Variants in CSMD2 observed in about 807,000 individuals in gnomAD.
CSMD2 encodes CUB and sushi domain-containing protein 2.
CSMD2 carries 130 observed loss-of-function variants against 398.5 expected under a neutral mutation model. The ratio of observed to expected loss-of-function variants is 0.33; its 90% confidence interval spans 0.28 to 0.38. CSMD2 has a LOEUF of 0.38. Ranked by LOEUF, CSMD2 falls within the 10% of genes least tolerant of loss-of-function variation. The probability of loss-of-function intolerance (pLI) is 1.00; values close to 1 mark genes in which losing one functional copy is unlikely to be tolerated. For synonymous variants in CSMD2, 1,828 were observed against 1,908.5 expected (o/e 0.96, Z 1.10); for missense variants, 3,829 against 4,764.9 (o/e 0.80, Z 5.78).
At chr1:33,808,263 A>G (rs1656453358) in intron 10 of CSMD2, among the ~76,000 whole-genome samples, 1 of 152,092 alleles carries the variant, frequency 6.6e-6, no homozygotes, top group Admixed American at 6.5e-5. Flanking sequence ...GACAAACACA[A>G]TTAACAAGCT....
At chr1:34,156,526 G>A (rs1251961099) in intron 1 of CSMD2, among the ~76,000 whole-genome samples, 2 of 152,102 alleles carry the variant, frequency 1.3e-5, no homozygotes, top group Non-Finnish European at 1.5e-5. Flanking sequence ...TCAATAAATA[G>A]ATGTACCTAC....
chr1:33,655,488 A>G (rs561690987), intron 27 of CSMD2, among the ~76,000 whole-genome samples: 8 of 152,380 alleles, frequency 5.3e-5, no homozygotes, highest in Non-Finnish European at 1.0e-4. Flanking sequence ...ATTAAGGCAC[A>G]GGGAAGTTGG....
In CSMD2 at chr1:33,559,439, G is replaced by A. The variant is rs990086805; in HGVS notation, c.8415C>T (p.Asn2805=). Residue 2805 remains asparagine, a synonymous_variant, in exon 54 of 71, where the codon AAC becomes AAT. Transcript: ENST00000373381. This position sits in a 1 kb window ranked among gnomAD's most constrained non-coding sequence, Gnocchi z 4.0. Reference sequence around the variant, plus strand: ...TAAACTGGTTACCCTGAGTGAGGCCGTTGACAGGGTTGCCTGGGTGTCCAC... The same window carrying A: ...TAAACTGGTTACCCTGAGTGAGGCCATTGACAGGGTTGCCTGGGTGTCCAC... ...ITCGHPGNPV[N]GLTQGNQFNL... The A allele has an allele frequency of 1.5e-5, 23 of 1,536,038 alleles. No homozygotes were observed. Among genetic ancestry groups the A allele is most frequent in the Middle Eastern group, 1.7e-4 (1 of 6,008 alleles).
chr1:33,697,708 C>T (rs963385648), intron 24 of CSMD2, among the ~76,000 whole-genome samples: 3 of 152,262 alleles, frequency 2.0e-5, no homozygotes, highest in Non-Finnish European at 4.4e-5. Context: ...CTCATATCCT[C>T]CCAACATTTT....
rs140959425 is a variant in CSMD2, at chr1:33,567,732, G to A, written c.8241C>T (p.Asn2747=). 76 of 1,614,074 alleles carry A rather than the reference G, an allele frequency of 4.7e-5. No homozygotes were observed. The highest frequency in any genetic ancestry group is 2.3e-4 in the South Asian group (21 of 91,070). ...TGTAGTTCTCCCCATTGATGTGTCC[G>A]TTGACAATGGGCTCAGGAGTCCCAC... ...GHCGTPEPIV[N]GHINGENYSY... is the part of the protein sequence containing the mutation. The change falls in exon 53 of 71, where the codon AAC becomes AAT. Residue 2747 remains asparagine, a synonymous_variant. Transcript: ENST00000373381.
At position 33,828,343 on chromosome 1, in the gene CSMD2, CACA is replaced by C. The variant is rs564064576; in HGVS notation, c.1034-2572_1034-2570del. On this transcript the variant is annotated intron_variant, in intron 6 of 70. Coordinates refer to ENST00000373381, the MANE Select transcript of CSMD2 (RefSeq NM_001281956.2). ...GGGAGAACAGGAGCAGTTCCAGCAC[CACA>C]ACAACAATTTGAGCCTGATAGCCCT... Among the ~76,000 whole-genome samples the C allele has an allele frequency of 7.3e-3, 1,105 of 152,268 alleles. 7 individuals are homozygous for C. The highest frequency in any genetic ancestry group is 0.02 in the Middle Eastern group (6 of 294).
chr1:34,138,034 C>G (rs897031869), intron 1 of CSMD2, among the ~76,000 whole-genome samples: 4 of 152,174 alleles, frequency 2.6e-5, no homozygotes, highest in Admixed American at 2.0e-4. Flanking sequence ...AAGAAAACAT[C>G]CCATTTTCTG....
At chr1:33,735,289 C>A (rs184137775) in intron 15 of CSMD2, among the ~76,000 whole-genome samples, 1 of 152,314 alleles carries the variant, frequency 6.6e-6, no homozygotes, top group Non-Finnish European at 1.5e-5. Flanking sequence ...ATAACGACAT[C>A]TATTTCCTAG....
intron 36 of CSMD2, 47 bp downstream of exon 36, chr1:33,623,323 G>A: frequency 5.1e-6 from 6 of 1,181,476 alleles, no homozygotes; most frequent in Non-Finnish European, 7.6e-6. Context: ...ATGATGATGA[G>A]CTCTAGTACT....
intron 1 of CSMD2, among the ~76,000 whole-genome samples, chr1:34,092,554 C>T (rs913589463): frequency 4.6e-5 from 7 of 152,010 alleles, no homozygotes; most frequent in Non-Finnish European, 1.0e-4. Flanking sequence ...GGTGCGCGCA[C>T]CGTGCACGAG....
At chr1:33,848,855 G>GTT (rs927916675) in intron 5 of CSMD2, among the ~76,000 whole-genome samples, 1 of 139,940 alleles carries the variant, frequency 7.1e-6, no homozygotes, top group African/African-American at 2.6e-5. Flanking sequence ...CTATCTCAAT[G>GTT]ACAAAGCTTG....
In CSMD2 at chr1:33,514,399, G is replaced by A. The variant is rs1653585031; in HGVS notation, c.*2225C>T. On this transcript the variant is annotated 3_prime_UTR_variant, in exon 71 of 71. Coordinates refer to ENST00000373381, the MANE Select transcript of CSMD2 (RefSeq NM_001281956.2). The stretch of plus-strand genomic sequence containing the variant: ...TTTTTTCCTCATGGGATGGTGATGG[G>A]TATATGGCGTAGATGGTGGGTGAAG... 1 of 151,082 alleles carries A rather than the reference G, an allele frequency of 6.6e-6. No homozygotes were observed. The highest frequency in any genetic ancestry group is 2.4e-5 in the African/African-American group (1 of 40,914). The allele number at this position is 151,082 out of a possible 1,614,324, so 9.4% of individuals were successfully genotyped here.
At chr1:33,788,071 T>G (rs1486543907) in intron 12 of CSMD2, among the ~76,000 whole-genome samples, 5 of 152,210 alleles carry the variant, frequency 3.3e-5, no homozygotes, top group Middle Eastern at 3.2e-3. Flanking sequence ...GGTGTGCATC[T>G]GATGCTGGGT....
At chr1:33,649,173 T>C (rs1201900920) in intron 28 of CSMD2, among the ~76,000 whole-genome samples, 1 of 152,156 alleles carries the variant, frequency 6.6e-6, no homozygotes, top group Non-Finnish European at 1.5e-5. Flanking sequence ...TGTGCAAAGA[T>C]GAAAACAATA....
chr1:33,802,635 A>G (rs898430527), intron 10 of CSMD2, among the ~76,000 whole-genome samples: 7 of 152,122 alleles, frequency 4.6e-5, no homozygotes, highest in African/African-American at 1.4e-4. Context: ...TAATCATTCC[A>G]TGACTATGAG....
chr1:33,856,449 A>G (rs934846543), intron 5 of CSMD2, among the ~76,000 whole-genome samples: 1 of 152,170 alleles, frequency 6.6e-6, no homozygotes, highest in South Asian at 2.1e-4. Flanking sequence ...TCACTGGCAG[A>G]CATGACTTGG....
At chr1:33,847,479 C>A (rs963102558) in intron 5 of CSMD2, among the ~76,000 whole-genome samples, 6 of 151,912 alleles carry the variant, frequency 3.9e-5, no homozygotes, top group African/African-American at 1.5e-4. Flanking sequence ...ACCAGTGTGA[C>A]CTTGGACCTG....
chr1:33,930,996 C>T (rs1644295228), intron 4 of CSMD2, among the ~76,000 whole-genome samples: 1 of 152,248 alleles, frequency 6.6e-6, no homozygotes. Context: ...AACAGACACA[C>T]ACGGCTTTCC....
chr1:33,822,071 G>A (rs745646817), intron 7 of CSMD2, among the ~76,000 whole-genome samples: 9 of 152,156 alleles, frequency 5.9e-5, no homozygotes, highest in Admixed American at 2.0e-4. Flanking sequence ...GGGAGCCGCT[G>A]GAGAGTTCTG....
Sources: allele counts gnomAD v4.1 joint callset (sites outside exome capture counted in the v4.1 genomes callset), GRCh38; gene constraint gnomAD v4.1.1; non-coding constraint Gnocchi (gnomAD v3.1); transcripts MANE v1.5; gene names NCBI Gene and HGNC (gene_info 2026-07-23, HGNC 2026-07-21).